The following CAMKK1 variants were observed in gnomAD, a reference collection of about 807,000 sequenced individuals.
The protein encoded by CAMKK1 is calcium/calmodulin-dependent protein kinase kinase 1.
Under a neutral mutation model 63.5 loss-of-function variants are expected in CAMKK1, and 20 were observed. The observed-to-expected ratio is 0.32, with a 90% CI of 0.22 to 0.46. CAMKK1 has a LOEUF of 0.46. Among genes scored for constraint, CAMKK1 ranks in the 20% least tolerant of loss-of-function variants. The pLI, the probability that CAMKK1 is intolerant of heterozygous loss-of-function variation, is 1.00. For missense variants in CAMKK1, 588 were observed against 658.1 expected (o/e 0.89, Z 1.17); for synonymous variants, 253 against 269.0 (o/e 0.94, Z 0.58).
Position 3,873,565 on chromosome 17 carries a change from CT to C in CAMKK1, c.997-104del. 6 of 1,091,538 alleles carry C rather than the reference CT, an allele frequency of 5.5e-6. No homozygotes were observed. In the South Asian group the frequency reaches 7.6e-5, roughly 14 times the overall value. 67.6% of individuals were successfully genotyped at this position (1,091,538 alleles called of 1,614,324 possible). ...GAGGCCTGCAGGGAACCTCTTTCCT[CT>C]GTCATGCACTCACTCGACAAACACT... is the stretch of plus-strand genomic sequence containing the variant. On this transcript the variant is annotated intron_variant, in intron 10 of 15. Transcript: ENST00000348335.
In CAMKK1 at chr17:3,877,842, T is replaced by C. The variant is rs568130161; in HGVS notation, c.797-1420A>G. ...AACTCCAGCTCTTTACCCACATAGA[T>C]TTCCAATAGACATCTTGGTAGATAA... is the stretch of plus-strand genomic sequence containing the variant. On this transcript the variant is annotated intron_variant, in intron 9 of 15. Coordinates refer to ENST00000348335, the MANE Select transcript of CAMKK1 (RefSeq NM_032294.3). Among the ~76,000 whole-genome samples the C allele has an allele frequency of 3.0e-4, 45 of 152,236 alleles. 1 individual carries two copies. Among genetic ancestry groups the C allele is most frequent in the Admixed American group, 2.9e-3 (45 of 15,282 alleles).
chr17:3,870,260 G>T (rs2054781257), intron 12 of CAMKK1, among the ~76,000 whole-genome samples: 2 of 152,056 alleles, frequency 1.3e-5, no homozygotes. Context: ...TTAGCAGGCT[G>T]GCACAGTGCC....
chr17:3,892,591 C>T lies in CAMKK1; in HGVS notation c.-44+348G>A, dbSNP rs1332271822. 2.6e-5 allele frequency among the ~76,000 whole-genome samples: 4 copies of T among 152,210 alleles called. No individual in the cohort carries two copies. Among genetic ancestry groups the T allele is most frequent in the African/African-American group, 9.6e-5 (4 of 41,460 alleles). The stretch of plus-strand genomic sequence containing the variant: ...AGAACCGCACGTGGGTGCCCCGGGC[C>T]GGGCCCACTCCGCACAGACGTGGCC... On this transcript the variant is annotated intron_variant, in intron 1 of 15. Coordinates refer to ENST00000348335, the MANE Select transcript of CAMKK1 (RefSeq NM_032294.3). The surrounding 1 kb of genome is among the most constrained non-coding windows in gnomAD (Gnocchi z 7.5).
chr17:3,888,952 G>T (rs962788323), intron 1 of CAMKK1, among the ~76,000 whole-genome samples: 7 of 152,000 alleles, frequency 4.6e-5, no homozygotes, highest in Non-Finnish European at 1.0e-4. Context: ...TCCCCACACA[G>T]GAGCGCACTG....
intron 10 of CAMKK1, among the ~76,000 whole-genome samples, chr17:3,874,330 T>G (rs1718712125): frequency 6.6e-6 from 1 of 152,076 alleles, no homozygotes; most frequent in South Asian, 2.1e-4. Context: ...TGAAGTACAG[T>G]ATCAGGACAA....
chr17:3,862,661 G>A lies in CAMKK1; in HGVS notation c.1446-378C>T, dbSNP rs1463812206. On this transcript the variant is annotated intron_variant, in intron 15 of 15. Transcript: ENST00000348335. The surrounding 1 kb of genome is among the most constrained non-coding windows in gnomAD (Gnocchi z 4.1). ...TGTTGTTGTTTTGAGACAGCGTCTC[G>A]CTCTGTCGTGCAGGCTGCAGTGCAG... Among the ~76,000 whole-genome samples the A allele has an allele frequency of 4.6e-5, 7 of 152,184 alleles. No homozygotes were observed. Among genetic ancestry groups the A allele is most frequent in the African/African-American group, 7.2e-5 (3 of 41,442 alleles).
At chr17:3,870,847 G>C (rs1364228439) in intron 12 of CAMKK1, among the ~76,000 whole-genome samples, 1 of 152,148 alleles carries the variant, frequency 6.6e-6, no homozygotes, top group Non-Finnish European at 1.5e-5. Flanking sequence ...AGCAGGAAGA[G>C]AGGCACCAGG....
At chr17:3,874,078 C>T (rs1597462261) in intron 10 of CAMKK1, among the ~76,000 whole-genome samples, 3 of 152,332 alleles carry the variant, frequency 2.0e-5, no homozygotes, top group South Asian at 2.1e-4. Context: ...GAGTGATTCT[C>T]GATCTCTACC....
At position 3,884,531 on chromosome 17, in the gene CAMKK1, C is replaced by T. The variant is rs1597485104; in HGVS notation, c.361-104G>A. On this transcript the variant is annotated intron_variant, in intron 2 of 15. Coordinates refer to ENST00000348335, the MANE Select transcript of CAMKK1 (RefSeq NM_032294.3). The surrounding 1 kb of genome is among the most constrained non-coding windows in gnomAD (Gnocchi z 4.5). ...CAATTCTGGCCATAAGCTCCTCATT[C>T]CCGGACCCCCAGGTCTCACCAAGCT... 1 of 1,059,694 alleles carries T rather than the reference C, an allele frequency of 9.4e-7. No individual in the cohort carries two copies. The highest frequency in any genetic ancestry group is 2.6e-5 in the East Asian group (1 of 38,836). The allele number at this position is 1,059,694 out of a possible 1,614,324, so 65.6% of individuals were successfully genotyped here.
Position 3,882,358 on chromosome 17 carries a change from T to C in CAMKK1, c.685+170A>G, listed in dbSNP as rs1269206890. 1 of 1,613,654 alleles carries C rather than the reference T, an allele frequency of 6.2e-7. No homozygotes were observed. The highest frequency in any genetic ancestry group is 8.5e-7 in the Non-Finnish European group (1 of 1,179,786). ...TGAATCTAACTGGATATTCTGGGCC[T>C]GGTTCTGCAGGGCTGGGCAAGGGAA... On this transcript the variant is annotated intron_variant, in intron 7 of 15. Transcript: ENST00000348335. This position sits in a 1 kb window ranked among gnomAD's most constrained non-coding sequence, Gnocchi z 4.3.
At chr17:3,878,186 AC>A (rs2055251925) in intron 9 of CAMKK1, among the ~76,000 whole-genome samples, 1 of 151,970 alleles carries the variant, frequency 6.6e-6, no homozygotes, top group Non-Finnish European at 1.5e-5. Context: ...TCAACTGAGA[AC>A]CAGGCCTGGG....
chr17:3,863,402 G>C (rs965583899), intron 15 of CAMKK1, among the ~76,000 whole-genome samples: 1 of 152,322 alleles, frequency 6.6e-6, no homozygotes, highest in East Asian at 1.9e-4. Context: ...GGAGGCTGAG[G>C]CAAGAGAACT....
rs1463720402 is a variant in CAMKK1, at chr17:3,887,658, A to G, written c.-43-1928T>C. On this transcript the variant is annotated intron_variant, in intron 1 of 15. Coordinates refer to ENST00000348335, the MANE Select transcript of CAMKK1 (RefSeq NM_032294.3). This position sits in a 1 kb window ranked among gnomAD's most constrained non-coding sequence, Gnocchi z 6.1. ...CCCTGGAGGAGGTGAGAGAGGACAG[A>G]GAGTGGGGCTGTGGCATAAGGAGGC... Among the ~76,000 whole-genome samples, 2 of 149,228 alleles carry G rather than the reference A, an allele frequency of 1.3e-5. No individual in the cohort carries two copies. Among genetic ancestry groups the G allele is most frequent in the Non-Finnish European group, 3.0e-5 (2 of 67,104 alleles).
At chr17:3,871,610 C>G (rs1191209193) in intron 12 of CAMKK1, among the ~76,000 whole-genome samples, 1 of 149,584 alleles carries the variant, frequency 6.7e-6, no homozygotes, top group Non-Finnish European at 1.5e-5. Context: ...CCCTCCTTGG[C>G]CTCCCAAAGT....
Position 3,882,147 on chromosome 17 carries a change from C to T in CAMKK1, c.685+381G>A, listed in dbSNP as rs763611248. 2.8e-6 allele frequency: 2 copies of T among 707,410 alleles called. No individual in the cohort carries two copies. Among genetic ancestry groups the T allele is most frequent in the Non-Finnish European group, 4.9e-6 (2 of 408,154 alleles). 43.8% of individuals were successfully genotyped at this position (707,410 alleles called of 1,614,324 possible). On this transcript the variant is annotated intron_variant, in intron 7 of 15. Coordinates refer to ENST00000348335, the MANE Select transcript of CAMKK1 (RefSeq NM_032294.3). The surrounding 1 kb of genome is among the most constrained non-coding windows in gnomAD (Gnocchi z 4.3). ...CATATAATTACTCATTTACTCTTCACAGGAACCCTATGAGGTAGACACCAC... is the reference window on the plus strand; with the variant it reads ...CATATAATTACTCATTTACTCTTCATAGGAACCCTATGAGGTAGACACCAC...
intron 14 of CAMKK1, among the ~76,000 whole-genome samples, chr17:3,866,995 A>AC (rs1210442402): frequency 6.6e-6 from 1 of 152,234 alleles, no homozygotes. Context: ...TGCTGGGATT[A>AC]CAGGCGTGAG....
In CAMKK1 at chr17:3,889,515, A is replaced by G. The variant is rs577985207; in HGVS notation, c.-44+3424T>C. On this transcript the variant is annotated intron_variant, in intron 1 of 15. Transcript: ENST00000348335. The surrounding 1 kb of genome is among the most constrained non-coding windows in gnomAD (Gnocchi z 5.2). ...CCTCTTGGAGCCTCTGTTTCCTAACACGTGCATCAAGCAGAAGGCCACTGT... is the reference window on the plus strand; with the variant it reads ...CCTCTTGGAGCCTCTGTTTCCTAACGCGTGCATCAAGCAGAAGGCCACTGT... Among the ~76,000 whole-genome samples the G allele has an allele frequency of 6.6e-6, 1 of 151,906 alleles. No homozygotes were observed. Among genetic ancestry groups the G allele is most frequent in the Admixed American group, 6.6e-5 (1 of 15,258 alleles).
chr17:3,886,398 G>A (rs1245222914), intron 1 of CAMKK1, among the ~76,000 whole-genome samples: 6 of 152,170 alleles, frequency 3.9e-5, no homozygotes, highest in African/African-American at 9.7e-5. Context: ...TTGGGAGGCC[G>A]AGGCAGGTGG....
chr17:3,870,785 C>T (rs573389290), intron 12 of CAMKK1, among the ~76,000 whole-genome samples: 2 of 152,216 alleles, frequency 1.3e-5, no homozygotes, highest in South Asian at 4.2e-4. Context: ...GATGCTTCAT[C>T]CCTTTTAAAA....
Sources: allele counts gnomAD v4.1 joint callset (sites outside exome capture counted in the v4.1 genomes callset), GRCh38; gene constraint gnomAD v4.1.1; non-coding constraint Gnocchi (gnomAD v3.1); transcripts MANE v1.5; gene names NCBI Gene and HGNC (gene_info 2026-07-23, HGNC 2026-07-21).